Variants in FGFR1OP2 observed in about 807,000 individuals in gnomAD.
FGFR1OP2 encodes fibroblast growth factor receptor 1 oncogene partner 2.
FGFR1OP2 carries 17 observed loss-of-function variants against 35.2 expected under a neutral mutation model. That is an observed-to-expected ratio of 0.48 (90% CI 0.33 to 0.73). The LOEUF is 0.73. Among genes scored for constraint, FGFR1OP2 ranks in the 30% least tolerant of loss-of-function variants. FGFR1OP2 has a pLI of 0.02. For synonymous variants in FGFR1OP2, 105 were observed against 104.6 expected (o/e 1.00, Z -0.03); for missense variants, 251 against 307.3 (o/e 0.82, Z 1.37).
At chr12:26,945,134 G>T (rs1026749824) in intron 1 of FGFR1OP2, among the ~76,000 whole-genome samples, 1 of 151,898 alleles carries the variant, frequency 6.6e-6, no homozygotes, top group Non-Finnish European at 1.5e-5. Flanking sequence ...TTTTCAGGAG[G>T]TTTTTCAATT....
rs1294314486 is a variant in FGFR1OP2, at chr12:26,965,499, TTTCTC to T, written c.*773_*777del. The T allele has an allele frequency of 6.6e-6, 1 of 152,548 alleles. No individual in the cohort carries two copies. The highest frequency in any genetic ancestry group is 2.4e-5 in the African/African-American group (1 of 41,454). The allele number at this position is 152,548 out of a possible 1,614,324, so 9.4% of individuals were successfully genotyped here. ...GTCAATAATGAAGACGAGATTTGTTTTTCTCTTCTCTGGCTGATTTTTAAGGATAT... is the reference window on the plus strand; with the variant it reads ...GTCAATAATGAAGACGAGATTTGTTTTTCTCTGGCTGATTTTTAAGGATAT... On this transcript the variant is annotated 3_prime_UTR_variant, in exon 7 of 7. Coordinates refer to ENST00000229395, the MANE Select transcript of FGFR1OP2 (RefSeq NM_015633.3).
At chr12:26,950,851 T>A (rs931837869) in intron 1 of FGFR1OP2, among the ~76,000 whole-genome samples, 4 of 152,246 alleles carry the variant, frequency 2.6e-5, no homozygotes, top group African/African-American at 9.6e-5. Context: ...CTTGAATACT[T>A]CTTGAGTTAT....
intron 1 of FGFR1OP2, among the ~76,000 whole-genome samples, chr12:26,944,825 A>C (rs949746356): frequency 6.6e-6 from 1 of 152,184 alleles, no homozygotes; most frequent in Non-Finnish European, 1.5e-5. Flanking sequence ...TTGTCCTTGA[A>C]GCCATCCAGG....
intron 4 of FGFR1OP2, among the ~76,000 whole-genome samples, chr12:26,958,548 A>G (rs1366107551): frequency 6.6e-6 from 1 of 152,224 alleles, no homozygotes; most frequent in Non-Finnish European, 1.5e-5. Flanking sequence ...GTTTATTATA[A>G]TGGAAAAAAC....
Position 26,957,746 on chromosome 12 carries a change from A to G in FGFR1OP2, c.396+3A>G. ...AGTTAAAAGAGCAGCACTCCAAGGT[A>G]ATCCATTCTATAAATGTGACCTGAA... On this transcript the variant is annotated splice_donor_region_variant and intron_variant, in intron 4 of 6. Coordinates refer to ENST00000229395, the MANE Select transcript of FGFR1OP2 (RefSeq NM_015633.3). The G allele has an allele frequency of 1.9e-6, 3 of 1,607,182 alleles. No homozygotes were observed. In the South Asian group the frequency reaches 3.3e-5, roughly 18 times the overall value.
chr12:26,952,281 G>A (rs1234904814), intron 1 of FGFR1OP2, among the ~76,000 whole-genome samples: 2 of 150,790 alleles, frequency 1.3e-5, no homozygotes, highest in Non-Finnish European at 1.5e-5. Flanking sequence ...GAAATTTAGA[G>A]GAAGTACAGG....
rs12818194 is a variant in FGFR1OP2, at chr12:26,966,005, A to G, written c.*1272A>G. On this transcript the variant is annotated 3_prime_UTR_variant, in exon 7 of 7. Coordinates refer to ENST00000229395, the MANE Select transcript of FGFR1OP2 (RefSeq NM_015633.3). The stretch of plus-strand genomic sequence containing the variant: ...GTTGAATACGTATTAAAATTAAGAC[A>G]AATGGAAAATTATACTTTGAGTATA... 2 of 152,124 alleles carry G rather than the reference A, an allele frequency of 1.3e-5. No individual in the cohort carries two copies. Among genetic ancestry groups the G allele is most frequent in the Admixed American group, 1.3e-4 (2 of 15,280 alleles). The allele number at this position is 152,124 out of a possible 1,614,324, so 9.4% of individuals were successfully genotyped here.
chr12:26,942,735 TTTC>T (rs1482231222), intron 1 of FGFR1OP2, among the ~76,000 whole-genome samples: 2 of 152,242 alleles, frequency 1.3e-5, no homozygotes, highest in African/African-American at 4.8e-5. Flanking sequence ...TCTTTTCATG[TTTC>T]TTATTTGTCC....
chr12:26,953,427 A>G (rs950979588), intron 1 of FGFR1OP2: 2 of 152,100 alleles, frequency 1.3e-5, no homozygotes. Flanking sequence ...TGACTGTTTC[A>G]TGTTTTGTCT....
At chr12:26,944,205 C>T (rs574523457) in intron 1 of FGFR1OP2, among the ~76,000 whole-genome samples, 143 of 152,238 alleles carry the variant, frequency 9.4e-4, no homozygotes, top group Admixed American at 1.8e-3. Context: ...TCTACATAGA[C>T]AACAATGTTG....
chr12:26,956,097 C>T (rs1027616475), intron 2 of FGFR1OP2, among the ~76,000 whole-genome samples: 4 of 151,982 alleles, frequency 2.6e-5, no homozygotes, highest in East Asian at 1.9e-4. Context: ...ATTCTTCTTC[C>T]GATGTGCCCA....
intron 4 of FGFR1OP2, 47 bp downstream of exon 4, chr12:26,957,790 T>G (rs367801254): frequency 3.1e-5 from 47 of 1,502,606 alleles, no homozygotes; most frequent in Non-Finnish European, 3.9e-5. Flanking sequence ...GAGAGACGAT[T>G]GATTATTCTG....
chr12:26,951,946 T>C (rs951930875), intron 1 of FGFR1OP2, among the ~76,000 whole-genome samples: 3 of 152,178 alleles, frequency 2.0e-5, no homozygotes, highest in African/African-American at 7.2e-5. Flanking sequence ...AACTTTATTT[T>C]CTCTCAAATC....
chr12:26,946,924 A>G (rs1005926490), intron 1 of FGFR1OP2, among the ~76,000 whole-genome samples: 2 of 151,876 alleles, frequency 1.3e-5, no homozygotes, highest in African/African-American at 2.4e-5. Flanking sequence ...AAATGGCGTG[A>G]TACATTGTCT....
chr12:26,957,687 G>C lies in FGFR1OP2; in HGVS notation c.340G>C (p.Ala114Pro). 2 of 1,613,330 alleles carry C rather than the reference G, an allele frequency of 1.2e-6. No homozygotes were observed. The highest frequency in any genetic ancestry group is 1.7e-6 in the Non-Finnish European group (2 of 1,179,634). ...YREQMFRLLM[A>P]SKKDDPGIIM... Reference sequence around the variant, plus strand: ...AGAACAAATGTTTAGATTGCTAATGGCTAGCAAAAAAGATGATCCGGGTAT... The same window carrying C: ...AGAACAAATGTTTAGATTGCTAATGCCTAGCAAAAAAGATGATCCGGGTAT... Residue 114 changes from alanine to proline, a missense_variant, in exon 4 of 7, where the codon GCT (alanine) becomes CCT (proline). Transcript: ENST00000229395.
At chr12:26,942,502 T>G (rs1938752619) in intron 1 of FGFR1OP2, among the ~76,000 whole-genome samples, 1 of 152,216 alleles carries the variant, frequency 6.6e-6, no homozygotes, top group Non-Finnish European at 1.5e-5. Flanking sequence ...TAGGGTACTC[T>G]AGAGATCCAT....
intron 1 of FGFR1OP2, among the ~76,000 whole-genome samples, chr12:26,943,940 G>A (rs1938779916): frequency 6.6e-6 from 1 of 152,056 alleles, no homozygotes; most frequent in Non-Finnish European, 1.5e-5. Context: ...GCATTTTGTA[G>A]TTATCAGCAA....
Position 26,956,674 on chromosome 12 carries a change from C to G in FGFR1OP2, c.253+14C>G. 1 of 1,478,712 alleles carries G rather than the reference C, an allele frequency of 6.8e-7. No homozygotes were observed. The highest frequency in any genetic ancestry group is 1.2e-5 in the South Asian group (1 of 84,192). 91.6% of individuals were successfully genotyped at this position (1,478,712 alleles called of 1,614,324 possible). The stretch of plus-strand genomic sequence containing the variant: ...AAGAAAACAAAGGTAAGATACGTTA[C>G]TTTTTGACATTAATCCCATTTCTAG... On this transcript the variant is annotated intron_variant, in intron 3 of 6. Coordinates refer to ENST00000229395, the MANE Select transcript of FGFR1OP2 (RefSeq NM_015633.3).
chr12:26,949,770 G>A (rs990525392), intron 1 of FGFR1OP2, among the ~76,000 whole-genome samples: 3 of 151,622 alleles, frequency 2.0e-5, no homozygotes, highest in African/African-American at 7.3e-5. Flanking sequence ...GTAGAGATGA[G>A]GTTTCATCAT....
Sources: gnomAD v4.1 joint callset for allele counts (sites outside exome capture counted in the v4.1 genomes callset) on GRCh38, gnomAD v4.1.1 for gene constraint, MANE v1.5 for transcripts, NCBI Gene and HGNC (gene_info 2026-07-23, HGNC 2026-07-21) for gene names.